The following NEURL1B variants were observed in gnomAD, a reference collection of about 807,000 sequenced individuals.
NEURL1B encodes the protein neuralized E3 ubiquitin protein ligase 1B.
NEURL1B carries 13 observed loss-of-function variants against 37.4 expected under a neutral mutation model. That is an observed-to-expected ratio of 0.35 (90% CI 0.23 to 0.55). The LOEUF is 0.55. Ranked by LOEUF, NEURL1B falls within the 20% of genes least tolerant of loss-of-function variation. The pLI is 0.89. For synonymous variants in NEURL1B, 432 were observed against 426.6 expected (o/e 1.01, Z -0.16); for missense variants, 790 against 879.2 (o/e 0.90, Z 1.28).
At chr5:172,648,212 A>G (rs1322135206) in intron 1 of NEURL1B, among the ~76,000 whole-genome samples, 1 of 152,154 alleles carries the variant, frequency 6.6e-6, no homozygotes, top group East Asian at 1.9e-4. Flanking sequence ...TTCCTCTTCT[A>G]CAGAAAGGGG....
rs2113286966 is a variant in NEURL1B at position 172,661,206 on chromosome 5, A to T, written c.32-8579A>T. On this transcript the variant is annotated intron_variant, in intron 1 of 4. Transcript: ENST00000369800. This position sits in a 1 kb window ranked among gnomAD's most constrained non-coding sequence, Gnocchi z 4.0. ...ATTTCTCACTCAAGGTCTACAGTCC[A>T]AGGACGCATGTTATAAAGGTCCAGG... 6.6e-6 allele frequency among the ~76,000 whole-genome samples: 1 copy of T among 152,350 alleles called. No homozygotes were observed. Among genetic ancestry groups the T allele is most frequent in the South Asian group, 2.1e-4 (1 of 4,826 alleles).
intron 1 of NEURL1B, among the ~76,000 whole-genome samples, chr5:172,654,164 A>G (rs1235794443): frequency 5.3e-5 from 8 of 152,228 alleles, no homozygotes; most frequent in African/African-American, 1.7e-4. Flanking sequence ...TGGGATTTCA[A>G]TTATCCTTTG....
rs1310981905 is a variant in NEURL1B, at chr5:172,686,760, C to T, written c.1503C>T (p.Gly501=). ...SPPEPAGIKN[G]ECTVCFDGEV... Reference sequence around the variant, plus strand: ...CGGAGCCGGCAGGCATCAAGAATGGCGAGTGCACGGTGTGCTTCGATGGCG... The same window carrying T: ...CGGAGCCGGCAGGCATCAAGAATGGTGAGTGCACGGTGTGCTTCGATGGCG... Residue 501 remains glycine, a synonymous_variant, in exon 5 of 5, where the codon GGC becomes GGT. Coordinates refer to ENST00000369800, the MANE Select transcript of NEURL1B (RefSeq NM_001142651.3). The surrounding 1 kb of genome is among the most constrained non-coding windows in gnomAD (Gnocchi z 7.9). The T allele has an allele frequency of 1.2e-5, 18 of 1,551,586 alleles. No homozygotes were observed. Among genetic ancestry groups the T allele is most frequent in the East Asian group, 2.4e-5 (1 of 40,896 alleles).
chr5:172,670,292 T>C lies in NEURL1B; in HGVS notation c.539T>C (p.Ile180Thr). ...GTGGGCGGCCCGCTCTGGGCGCTCA[T>C]TGATGTCTACGGCATCACCGACGAG... Reference protein sequence around the residue: ...VAVGGPLWALIDVYGITDEVQ... With the variant: ...VAVGGPLWALTDVYGITDEVQ... Residue 180 changes from isoleucine to threonine, a missense_variant, in exon 2 of 5, where the codon ATT (isoleucine) becomes ACT (threonine). Coordinates refer to ENST00000369800, the MANE Select transcript of NEURL1B (RefSeq NM_001142651.3). 1.4e-6 allele frequency: 2 copies of C among 1,383,330 alleles called. No homozygotes were observed. The highest frequency in any genetic ancestry group is 1.9e-6 in the Non-Finnish European group (2 of 1,073,150). The allele number at this position is 1,383,330 out of a possible 1,614,324, so 85.7% of individuals were successfully genotyped here.
Position 172,686,502 on chromosome 5 carries a change from T to C in NEURL1B, c.1424-179T>C, listed in dbSNP as rs954793701. Among the ~76,000 whole-genome samples, 1 of 152,158 alleles carries C rather than the reference T, an allele frequency of 6.6e-6. No homozygotes were observed. The highest frequency in any genetic ancestry group is 1.5e-5 in the Non-Finnish European group (1 of 68,022). ...TGACGATGGTGGCATTTTATCTTGGTGTTTGGGAGTAGAAGAGTAGAGAAA... is the reference window on the plus strand; with the variant it reads ...TGACGATGGTGGCATTTTATCTTGGCGTTTGGGAGTAGAAGAGTAGAGAAA... On this transcript the variant is annotated intron_variant, in intron 4 of 4. Transcript: ENST00000369800. The surrounding 1 kb of genome is among the most constrained non-coding windows in gnomAD (Gnocchi z 7.9).
chr5:172,684,127 T>C lies in NEURL1B; in HGVS notation c.1286T>C (p.Leu429Pro). ...FAVRGGVAGQ[L>P]RLLGTLQSSP... ...GTGCGCGGCGGCGTCGCGGGCCAGC[T>C]GCGTCTCCTCGGTGAGTCCCCGGCC... The change falls in exon 3 of 5, where the codon CTG becomes CCG. Residue 429 changes from leucine to proline, a missense_variant. Coordinates refer to ENST00000369800, the MANE Select transcript of NEURL1B (RefSeq NM_001142651.3). 1 of 1,252,016 alleles carries C rather than the reference T, an allele frequency of 8.0e-7. No homozygotes were observed. Among genetic ancestry groups the C allele is most frequent in the South Asian group, 2.8e-5 (1 of 35,824 alleles). The allele number at this position is 1,252,016 out of a possible 1,614,324, so 77.6% of individuals were successfully genotyped here.
chr5:172,672,549 C>CCA (rs1554098436), intron 2 of NEURL1B, among the ~76,000 whole-genome samples: 3 of 148,022 alleles, frequency 2.0e-5, no homozygotes, highest in Admixed American at 1.3e-4. Flanking sequence ...CTCCCCCCCC[C>CCA]ACTCTATTTC....
In NEURL1B at chr5:172,680,697, G is replaced by A. The variant is rs146616538; in HGVS notation, c.578-2722G>A. 2.0e-5 allele frequency among the ~76,000 whole-genome samples: 3 copies of A among 152,238 alleles called. No homozygotes were observed. The East Asian group carries it at 5.8e-4, about 29-fold the overall frequency. ...CAGAGATAACCACTCACATTTTAAT[G>A]TATTTCTATATTTTTCCTATGAATC... On this transcript the variant is annotated intron_variant, in intron 2 of 4. Coordinates refer to ENST00000369800, the MANE Select transcript of NEURL1B (RefSeq NM_001142651.3).
At position 172,687,030 on chromosome 5, in the gene NEURL1B, T is replaced by C; in HGVS notation, c.*105T>C. 1 of 1,314,110 alleles carries C rather than the reference T, an allele frequency of 7.6e-7. No homozygotes were observed. Among genetic ancestry groups the C allele is most frequent in the Admixed American group, 2.4e-5 (1 of 41,940 alleles). The allele number at this position is 1,314,110 out of a possible 1,614,324, so 81.4% of individuals were successfully genotyped here. On this transcript the variant is annotated 3_prime_UTR_variant, in exon 5 of 5. Coordinates refer to ENST00000369800, the MANE Select transcript of NEURL1B (RefSeq NM_001142651.3). ...AGGGAGTCCACGGGCAGCGGCCATC[T>C]CTCCAGTGGTGGGCAAGGTGTGACA... is the stretch of plus-strand genomic sequence containing the variant.
chr5:172,667,092 C>G (rs974483434), intron 1 of NEURL1B, among the ~76,000 whole-genome samples: 1 of 151,836 alleles, frequency 6.6e-6, no homozygotes, highest in Non-Finnish European at 1.5e-5. Flanking sequence ...ACTGGTATCT[C>G]CCTACCCTGT....
intron 1 of NEURL1B, among the ~76,000 whole-genome samples, chr5:172,659,038 C>A (rs867509490): frequency 1.2e-4 from 16 of 129,246 alleles, no homozygotes; most frequent in Non-Finnish European, 1.5e-4. Flanking sequence ...CTGCCCGCCC[C>A]CCCCCCCCCA....
At chr5:172,642,508 T>C (rs540032814) in intron 1 of NEURL1B, among the ~76,000 whole-genome samples, 1 of 152,296 alleles carries the variant, frequency 6.6e-6, no homozygotes, top group Admixed American at 6.5e-5. Context: ...GAGGTTAATT[T>C]AGTGTGAGGT....
chr5:172,643,151 G>A (rs573881313), intron 1 of NEURL1B, among the ~76,000 whole-genome samples: 7 of 152,228 alleles, frequency 4.6e-5, no homozygotes, highest in Admixed American at 6.5e-5. Context: ...TCTGGGAGCC[G>A]GCAGTTAAGG....
Position 172,690,938 on chromosome 5 carries a change from A to C in NEURL1B, c.*4013A>C, listed in dbSNP as rs1404892053. On this transcript the variant is annotated 3_prime_UTR_variant, in exon 5 of 5. Coordinates refer to ENST00000369800, the MANE Select transcript of NEURL1B (RefSeq NM_001142651.3). ...GAACCCCGGTGAGTCCGTCCAGTTG[A>C]GGCAGAGGCAATAACCTCCCATTGC... is the stretch of plus-strand genomic sequence containing the variant. 6.6e-6 allele frequency: 1 copy of C among 152,140 alleles called. No homozygotes were observed. The highest frequency in any genetic ancestry group is 1.5e-5 in the Non-Finnish European group (1 of 68,024). The allele number at this position is 152,140 out of a possible 1,614,324, so 9.4% of individuals were successfully genotyped here.
At position 172,686,398 on chromosome 5, in the gene NEURL1B, T is replaced by C; in HGVS notation, c.1423+102T>C. ...AGGGACTGAGCAGGGTGGCCGCCTT[T>C]CCCCCGCATCCTCTCCTTCCCTCAG... On this transcript the variant is annotated intron_variant, in intron 4 of 4. Transcript: ENST00000369800. The surrounding 1 kb of genome is among the most constrained non-coding windows in gnomAD (Gnocchi z 7.9). 1 of 1,220,074 alleles carries C rather than the reference T, an allele frequency of 8.2e-7. No individual in the cohort carries two copies. Among genetic ancestry groups the C allele is most frequent in the Non-Finnish European group, 1.1e-6 (1 of 870,254 alleles). 75.6% of individuals were successfully genotyped at this position (1,220,074 alleles called of 1,614,324 possible). A position where few individuals can be genotyped will look rare whatever the true frequency, so the allele number is the denominator to read the frequency against.
In NEURL1B at chr5:172,669,973, C is replaced by T; in HGVS notation, c.220C>T (p.Arg74Trp). The T allele has an allele frequency of 3.4e-6, 5 of 1,457,776 alleles. No homozygotes were observed. The highest frequency in any genetic ancestry group is 2.7e-5 in the East Asian group (1 of 36,380). 90.3% of individuals were successfully genotyped at this position (1,457,776 alleles called of 1,614,324 possible). ...SFCNGVTFTQ[R>W]PIRLYEQVRL... The stretch of plus-strand genomic sequence containing the variant: ...CTGCAATGGCGTCACGTTCACGCAG[C>T]GGCCCATCCGGCTGTACGAGCAGGT... Residue 74 changes from arginine (R) to tryptophan (W), a missense_variant, in exon 2 of 5, where the codon CGG (arginine) becomes TGG (tryptophan). Around this residue, in one of 3 missense-constraint regions of NEURL1B, gnomAD observed 215 missense variants for 309.2 expected, o/e 0.70. Coordinates refer to ENST00000369800, the MANE Select transcript of NEURL1B (RefSeq NM_001142651.3).
chr5:172,652,759 G>GA (rs1227703613), intron 1 of NEURL1B, among the ~76,000 whole-genome samples: 1 of 152,168 alleles, frequency 6.6e-6, no homozygotes, highest in Non-Finnish European at 1.5e-5. Flanking sequence ...TCCCCACAGG[G>GA]TATAACAAGG....
rs1381716309 is a variant in NEURL1B, at chr5:172,690,709, T to A, written c.*3784T>A. 2 of 146,174 alleles carry A rather than the reference T, an allele frequency of 1.4e-5. No homozygotes were observed. The highest frequency in any genetic ancestry group is 5.6e-5 in the African/African-American group (2 of 35,696). 9.1% of individuals were successfully genotyped at this position (146,174 alleles called of 1,614,324 possible). On this transcript the variant is annotated 3_prime_UTR_variant, in exon 5 of 5. Transcript: ENST00000369800. Reference sequence around the variant, plus strand: ...AAAGGCTGCCTTCTTGACCAGAACCTGCTGTGCGCTTCACAGAACCTCCTC... The same window carrying A: ...AAAGGCTGCCTTCTTGACCAGAACCAGCTGTGCGCTTCACAGAACCTCCTC...
At chr5:172,680,697 GTATTTC>G (rs1337580938) in intron 2 of NEURL1B, among the ~76,000 whole-genome samples, 1 of 152,120 alleles carries the variant, frequency 6.6e-6, no homozygotes, top group Non-Finnish European at 1.5e-5. Flanking sequence ...ACATTTTAAT[GTATTTC>G]TATATTTTTC....
Sources: gnomAD v4.1 joint callset for allele counts (sites outside exome capture counted in the v4.1 genomes callset) on GRCh38, gnomAD v4.1.1 for gene constraint, gnomAD v4.1.1 regional missense constraint, Gnocchi (gnomAD v3.1) non-coding constraint, MANE v1.5 for transcripts, NCBI Gene and HGNC (gene_info 2026-07-23, HGNC 2026-07-21) for gene names.